HAUS8: variants seen among roughly 807,000 people sequenced by gnomAD.
HAUS8 encodes HAUS augmin like complex subunit 8, also known as HAUS augmin-like complex subunit 8.
In HAUS8, 38 loss-of-function variants were observed where a neutral mutation model predicts 42.9. That is an observed-to-expected ratio of 0.89 (90% confidence interval 0.68 to 1.16). The LOEUF (loss-of-function observed/expected upper bound fraction) is 1.16. Ranked by LOEUF, HAUS8 falls within the 50% of genes most tolerant of loss-of-function variation. HAUS8 has a pLI of 0.00. For missense variants in HAUS8, 494 were observed against 511.6 expected (o/e 0.97, Z 0.33); for synonymous variants, 199 against 205.8 (o/e 0.97, Z 0.28).
intron 1 of HAUS8, chr19:17,073,590 T>C (rs1441703361): frequency 1.9e-6 from 1 of 520,902 alleles, no homozygotes; most frequent in Non-Finnish European, 3.5e-6. Flanking sequence ...GTGGAAGAGA[T>C]CACAGCAGAT....
intron 3 of HAUS8, among the ~76,000 whole-genome samples, chr19:17,067,605 G>A (rs996234792): frequency 2.0e-5 from 3 of 152,162 alleles, no homozygotes; most frequent in Admixed American, 6.5e-5. Flanking sequence ...GTTACAGCAC[G>A]CAGACACACG....
chr19:17,066,638 G>T (rs1177146483), intron 3 of HAUS8, among the ~76,000 whole-genome samples: 1 of 152,156 alleles, frequency 6.6e-6, no homozygotes, highest in Non-Finnish European at 1.5e-5. Context: ...ATACCCAGCT[G>T]GTGGCTGCTG....
intron 6 of HAUS8, among the ~76,000 whole-genome samples, chr19:17,059,184 T>C (rs1255291727): frequency 6.6e-6 from 1 of 152,208 alleles, no homozygotes; most frequent in Non-Finnish European, 1.5e-5. Flanking sequence ...AGGACCAGAA[T>C]GCCGTCTCCC....
intron 2 of HAUS8, among the ~76,000 whole-genome samples, chr19:17,069,530 T>G (rs554114844): frequency 1.3e-5 from 2 of 148,482 alleles, no homozygotes; most frequent in South Asian, 2.2e-4. Flanking sequence ...CGCCCCTTAC[T>G]CAGTTTGGGA....
At chr19:17,063,907 C>T (rs2057374376) in intron 3 of HAUS8, among the ~76,000 whole-genome samples, 1 of 152,170 alleles carries the variant, frequency 6.6e-6, no homozygotes, top group Non-Finnish European at 1.5e-5. Flanking sequence ...AGTTTGCAGA[C>T]AGCAGATCCT....
chr19:17,066,516 C>T (rs755289077), intron 3 of HAUS8, among the ~76,000 whole-genome samples: 27 of 152,272 alleles, frequency 1.8e-4, no homozygotes, highest in Non-Finnish European at 1.3e-4. Context: ...CCAACTTGAA[C>T]TTGGTTGGTC....
chr19:17,070,749 G>A (rs1028614423), intron 2 of HAUS8, among the ~76,000 whole-genome samples: 3 of 152,212 alleles, frequency 2.0e-5, no homozygotes, highest in Non-Finnish European at 2.9e-5. Context: ...CACCTGGTAC[G>A]GGGTAGGCAC....
rs1281871588 is a variant in HAUS8, at chr19:17,075,403, C to A, written c.20G>T (p.Arg7Leu). 10 of 1,613,834 alleles carry A rather than the reference C, an allele frequency of 6.2e-6. No homozygotes were observed. In the Admixed American group the frequency reaches 1.3e-4, roughly 22 times the overall value. Reference protein sequence around the residue: MADSSGRGAGKPATGPT... With the variant: MADSSGLGAGKPATGPT... ...GGAAGCCCCAACTCACCCAGCGCCTCGCCCCGAGGAATCCGCCATTTTCCC... is the reference window on the plus strand; with the variant it reads ...GGAAGCCCCAACTCACCCAGCGCCTAGCCCCGAGGAATCCGCCATTTTCCC... Residue 7 changes from arginine (R) to leucine (L), a missense_variant, in exon 1 of 11, where the codon CGA becomes CTA. Arg to Leu is a moderately radical substitution (Grantham distance 102). Transcript: ENST00000253669.
chr19:17,050,659 G>T lies in HAUS8; in HGVS notation c.930-483C>A, dbSNP rs147173242. Among the ~76,000 whole-genome samples, 206 of 152,284 alleles carry T rather than the reference G, an allele frequency of 1.4e-3. 1 individual carries two copies. The highest frequency in any genetic ancestry group is 4.7e-3 in the African/African-American group (196 of 41,554). ...ACCTGTAATTCCAGCACTTTGGGAG[G>T]CTGAGGCGGGCAGATCGCCTGAGGT... On this transcript the variant is annotated intron_variant, in intron 10 of 10. Transcript: ENST00000253669.
intron 4 of HAUS8, among the ~76,000 whole-genome samples, chr19:17,060,990 T>A (rs952519136): frequency 1.3e-5 from 2 of 152,154 alleles, no homozygotes; most frequent in Non-Finnish European, 2.9e-5. Context: ...AAGAGGAAGG[T>A]CACTGCAATG....
intron 9 of HAUS8, chr19:17,055,193 A>C (rs115928108): frequency 1.3e-5 from 1 of 77,982 alleles, no homozygotes; most frequent in African/African-American, 6.4e-5. Flanking sequence ...TATATATATA[A>C]GCCAGGTGTG....
intron 2 of HAUS8, among the ~76,000 whole-genome samples, chr19:17,072,241 C>G (rs952489330): frequency 6.6e-6 from 1 of 152,012 alleles, no homozygotes; most frequent in Admixed American, 6.6e-5. Context: ...TGAATTGGGC[C>G]CTGCGACACT....
At chr19:17,075,532 G>T, upstream of HAUS8, 5 of 1,168,296 alleles carry the variant, frequency 4.3e-6, no homozygotes, top group Non-Finnish European at 6.2e-6. Context: ...TGGCTGCGAG[G>T]CGTGAGGCAG....
intron 2 of HAUS8, among the ~76,000 whole-genome samples, chr19:17,072,788 A>G (rs985299999): frequency 2.0e-5 from 3 of 151,970 alleles, no homozygotes; most frequent in Non-Finnish European, 4.4e-5. Context: ...GGCACCCCTC[A>G]TGAGACTGAC....
In HAUS8 at chr19:17,055,187, TATATAA is replaced by T. The variant is rs1448861585; in HGVS notation, c.787+668_787+673del. 92 of 59,396 alleles carry T rather than the reference TATATAA, an allele frequency of 1.5e-3. 3 individuals carry two copies. The highest frequency in any genetic ancestry group is 6.3e-3 in the African/African-American group (77 of 12,278). The allele number at this position is 59,396 out of a possible 1,614,324, so 3.7% of individuals were successfully genotyped here. On this transcript the variant is annotated intron_variant, in intron 9 of 10. Transcript: ENST00000253669. ...ATATATATATATATATATATATATATATATAAGCCAGGTGTGGTGGTGCCCACGTGT... is the reference window on the plus strand; with the variant it reads ...ATATATATATATATATATATATATATGCCAGGTGTGGTGGTGCCCACGTGT...
upstream of HAUS8, chr19:17,075,520 G>T: frequency 7.2e-7 from 1 of 1,380,376 alleles, no homozygotes. Context: ...ACGCAGGAGG[G>T]GTGGCTGCGA....
rs147900531 is a variant in HAUS8, at chr19:17,061,446, A to G, written c.229+1252T>C. Among the ~76,000 whole-genome samples the G allele has an allele frequency of 3.2e-4, 48 of 152,292 alleles. No homozygotes were observed. The East Asian group carries it at 8.1e-3, about 26-fold the overall frequency. Reference sequence around the variant, plus strand: ...GCCACCACACCCAGCTAGAGGTGGTAACTTTTTATTGTTATTGCTTTTGCC... The same window carrying G: ...GCCACCACACCCAGCTAGAGGTGGTGACTTTTTATTGTTATTGCTTTTGCC... On this transcript the variant is annotated intron_variant, in intron 4 of 10. Coordinates refer to ENST00000253669, the MANE Select transcript of HAUS8 (RefSeq NM_033417.2).
chr19:17,073,469 G>A, intron 1 of HAUS8, 134 bp from the exon 2 acceptor site: 1 of 810,958 alleles, frequency 1.2e-6, no homozygotes, highest in Non-Finnish European at 2.2e-6. Flanking sequence ...CAGTGAGGGT[G>A]GGCCACCTCA....
intron 10 of HAUS8, chr19:17,052,550 C>T: frequency 3.3e-6 from 1 of 306,896 alleles, no homozygotes. Flanking sequence ...GCACTCCAGC[C>T]TGGGCGACAG....
Sources: allele counts gnomAD v4.1 joint callset (sites outside exome capture counted in the v4.1 genomes callset), GRCh38; gene constraint gnomAD v4.1.1; transcripts MANE v1.5; gene names NCBI Gene and HGNC (gene_info 2026-07-23, HGNC 2026-07-21).